Variants in ITGBL1 observed in about 807,000 individuals in gnomAD.
The protein encoded by ITGBL1 is integrin beta-like protein 1.
In ITGBL1, 51 loss-of-function variants were observed where a neutral mutation model predicts 68.5. The observed-to-expected ratio is 0.74, with a 90% CI of 0.59 to 0.94. ITGBL1 has a LOEUF of 0.94. ITGBL1 is among the 40% of genes least tolerant of loss of function. The pLI is 0.00. For synonymous variants in ITGBL1, 209 were observed against 227.3 expected, an observed-to-expected ratio of 0.92 and a Z score of 0.72; for missense variants, 649 against 647.4, an observed-to-expected ratio of 1.00 and a Z score of -0.03.
Position 101,453,980 on chromosome 13 carries a change from C to CG in ITGBL1, c.200dup (p.Arg68ProfsTer13). ...CCCGGGGGCCGCGCTGTGCCACGGCCGGGGCCGCTGCGACTGCGGCGTCTG... is the reference window on the plus strand; with the variant it reads ...CCCGGGGGCCGCGCTGTGCCACGGCCGGGGGCCGCTGCGACTGCGGCGTCTG... On this transcript the variant is annotated frameshift_variant, in exon 2 of 11. Transcript: ENST00000376180. LOFTEE classifies it high-confidence loss of function. 1 of 1,537,830 alleles carries CG rather than the reference C, an allele frequency of 6.5e-7. No homozygotes were observed. The highest frequency in any genetic ancestry group is 1.2e-5 in the South Asian group (1 of 81,886).
intron 2 of ITGBL1, among the ~76,000 whole-genome samples, chr13:101,468,466 A>G (rs2048413535): frequency 6.6e-6 from 1 of 152,190 alleles, no homozygotes; most frequent in Non-Finnish European, 1.5e-5. Flanking sequence ...AGTCAAAACA[A>G]TTATCCTCCA....
intron 7 of ITGBL1, among the ~76,000 whole-genome samples, chr13:101,669,624 A>T (rs1018251232): frequency 1.3e-5 from 2 of 152,168 alleles, no homozygotes; most frequent in African/African-American, 4.8e-5. Flanking sequence ...TGGATTATTG[A>T]TCTGCTCTCA....
intron 2 of ITGBL1, among the ~76,000 whole-genome samples, chr13:101,542,151 G>T (rs1231806728): frequency 2.0e-5 from 3 of 152,146 alleles, no homozygotes; most frequent in East Asian, 1.9e-4. Flanking sequence ...TGATGTTAGG[G>T]TGTCAATGTT....
rs534900527 is a variant in ITGBL1, at chr13:101,540,276, G to A, written c.317-27423G>A. On this transcript the variant is annotated intron_variant, in intron 2 of 10. Coordinates refer to ENST00000376180, the MANE Select transcript of ITGBL1 (RefSeq NM_004791.3). ...AGTTTCAGCTTTCTACATATGGCTAGCCAGTTTTCCCAGCACCATTTATTA... is the reference window on the plus strand; with the variant it reads ...AGTTTCAGCTTTCTACATATGGCTAACCAGTTTTCCCAGCACCATTTATTA... Among the ~76,000 whole-genome samples, 490 of 152,246 alleles carry A rather than the reference G, an allele frequency of 3.2e-3. 1 individual carries two copies. The highest frequency in any genetic ancestry group is 0.011 in the African/African-American group (469 of 41,526).
rs374563920 is a variant in ITGBL1, at chr13:101,710,150, G to C, written c.1279+3248G>C. On this transcript the variant is annotated intron_variant, in intron 9 of 10. Transcript: ENST00000376180. ...TCAATGAAGGGTTGAAAGCATATTT[G>C]TGTAAACTATTTGTTTATCCTTCAA... Among the ~76,000 whole-genome samples, 276 of 152,316 alleles carry C rather than the reference G, an allele frequency of 1.8e-3. 12 individuals carry two copies. The South Asian group carries it at 0.055, about 31-fold the overall frequency.
intron 3 of ITGBL1, among the ~76,000 whole-genome samples, chr13:101,569,025 A>AAC (rs112814235): frequency 0.1 from 10,600 of 103,416 alleles, 868 homozygotes; most frequent in Middle Eastern, 0.14. Context: ...CACCCCTCCA[A>AAC]ACACACACAC....
chr13:101,718,082 C>T (rs2034793241), downstream of ITGBL1: 1 of 152,032 alleles, frequency 6.6e-6, no homozygotes, highest in Non-Finnish European at 1.5e-5. Context: ...ATATAGTCAG[C>T]TCTGTTCTAG....
intron 7 of ITGBL1, among the ~76,000 whole-genome samples, chr13:101,616,071 G>A (rs572306431): frequency 1.2e-4 from 19 of 152,232 alleles, no homozygotes; most frequent in East Asian, 3.9e-4. Context: ...TAGATACAGC[G>A]TAAAAAAGAA....
At chr13:101,704,223 G>A (rs779045972) in intron 8 of ITGBL1, among the ~76,000 whole-genome samples, 74 of 152,156 alleles carry the variant, frequency 4.9e-4, no homozygotes, top group African/African-American at 1.3e-3. Flanking sequence ...TTGTTCATCC[G>A]TTGTTCCACC....
intron 2 of ITGBL1, among the ~76,000 whole-genome samples, chr13:101,485,390 C>T (rs2048686798): frequency 6.6e-6 from 1 of 152,038 alleles, no homozygotes; most frequent in Non-Finnish European, 1.5e-5. Flanking sequence ...TATGAATAGA[C>T]AGTTCTCAAA....
rs191365574 is a variant in ITGBL1, at chr13:101,467,088, T to C, written c.316+12988T>C. On this transcript the variant is annotated intron_variant, in intron 2 of 10. Coordinates refer to ENST00000376180, the MANE Select transcript of ITGBL1 (RefSeq NM_004791.3). Reference sequence around the variant, plus strand: ...TAAACAGGCTCCCCCAAGCCTCTTTTATAAGGGCACTAATCCCACTAATGA... The same window carrying C: ...TAAACAGGCTCCCCCAAGCCTCTTTCATAAGGGCACTAATCCCACTAATGA... Among the ~76,000 whole-genome samples the C allele has an allele frequency of 7.1e-3, 1,076 of 152,256 alleles. 6 individuals are homozygous for C. Among genetic ancestry groups the C allele is most frequent in the Non-Finnish European group, 0.013 (854 of 68,016 alleles).
intron 4 of ITGBL1, among the ~76,000 whole-genome samples, chr13:101,578,774 G>A (rs1333128280): frequency 6.6e-6 from 1 of 152,176 alleles, no homozygotes; most frequent in Non-Finnish European, 1.5e-5. Context: ...TCTTTCACAT[G>A]GTGGAACACA....
chr13:101,488,015 CGGA>C (rs2048724376), intron 2 of ITGBL1, among the ~76,000 whole-genome samples: 1 of 152,014 alleles, frequency 6.6e-6, no homozygotes. Flanking sequence ...TGCTGGGCTT[CGGA>C]GGAGGAGATC....
chr13:101,481,421 C>A (rs1182244702), intron 2 of ITGBL1, among the ~76,000 whole-genome samples: 1 of 151,900 alleles, frequency 6.6e-6, no homozygotes, highest in Middle Eastern at 3.2e-3. Flanking sequence ...AAGAATGATG[C>A]TAGGCACATT....
At chr13:101,643,465 C>T (rs1302528291) in intron 7 of ITGBL1, among the ~76,000 whole-genome samples, 1 of 152,022 alleles carries the variant, frequency 6.6e-6, no homozygotes, top group Non-Finnish European at 1.5e-5. Flanking sequence ...AGATTTTGGG[C>T]TGAGACAATG....
intron 7 of ITGBL1, among the ~76,000 whole-genome samples, chr13:101,603,380 A>T (rs1429395932): frequency 2.0e-5 from 3 of 151,988 alleles, no homozygotes; most frequent in Non-Finnish European, 4.4e-5. Flanking sequence ...GAGGAGTAGG[A>T]TATGGGTATA....
intron 7 of ITGBL1, among the ~76,000 whole-genome samples, chr13:101,635,803 G>A (rs972973553): frequency 5.3e-5 from 8 of 151,814 alleles, no homozygotes; most frequent in Admixed American, 3.3e-4. Flanking sequence ...AGAATATCTG[G>A]GCTAATTTTC....
At chr13:101,559,787 G>A (rs2050070077) in intron 2 of ITGBL1, among the ~76,000 whole-genome samples, 1 of 152,100 alleles carries the variant, frequency 6.6e-6, no homozygotes, top group Non-Finnish European at 1.5e-5. Flanking sequence ...CATCTCACTG[G>A]CTCATTATGA....
chr13:101,597,961 T>C (rs984592223), intron 6 of ITGBL1, among the ~76,000 whole-genome samples, 192 bp from the exon 7 acceptor site: 1 of 152,166 alleles, frequency 6.6e-6, no homozygotes, highest in Non-Finnish European at 1.5e-5. Context: ...GTTGCTTTTC[T>C]CTACCCCTCA....
Sources: allele counts gnomAD v4.1 joint callset (sites outside exome capture counted in the v4.1 genomes callset), GRCh38; gene constraint gnomAD v4.1.1; transcripts MANE v1.5; gene names NCBI Gene and HGNC (gene_info 2026-07-23, HGNC 2026-07-21).